Variants in KCNN2 observed in about 807,000 individuals in gnomAD.
The protein encoded by KCNN2 is potassium calcium-activated channel subfamily N member 2, also known as small conductance calcium-activated potassium channel protein 2.
KCNN2 carries 24 observed loss-of-function variants against 55.5 expected under a neutral mutation model. The observed-to-expected ratio is 0.43, with a 90% confidence interval of 0.31 to 0.61. The LOEUF (loss-of-function observed/expected upper bound fraction) is 0.61. Ranked by LOEUF, KCNN2 falls within the 20% of genes least tolerant of loss-of-function variation. KCNN2 has a pLI of 0.08. For missense variants in KCNN2, 754 were observed against 853.6 expected (o/e 0.88, Z 1.45); for synonymous variants, 431 against 336.1 (o/e 1.28, Z -3.09).
At chr5:114,401,682 C>T (rs907018844) in intron 2 of KCNN2, among the ~76,000 whole-genome samples, 1 of 152,128 alleles carries the variant, frequency 6.6e-6, no homozygotes, top group African/African-American at 2.4e-5. Context: ...GAGGAGCTGA[C>T]GTGGAGTTTG....
rs150702186 is a variant in KCNN2 at position 114,190,814 on chromosome 5, A to G, written c.-270-30666A>G. ...AAAAACATTTGTACCGAAGACCAAG[A>G]GTGGAATAGCTATGGTACTTCTAAA... On this transcript the variant is annotated intron_variant, in intron 1 of 10. Transcript: ENST00000512097. Among the ~76,000 whole-genome samples the G allele has an allele frequency of 3.4e-4, 52 of 152,294 alleles. No homozygotes were observed. The East Asian group carries it at 7.9e-3, about 23-fold the overall frequency.
intron 1 of KCNN2, among the ~76,000 whole-genome samples, chr5:114,145,991 T>A (rs1752391273): frequency 6.6e-6 from 1 of 152,138 alleles, no homozygotes; most frequent in Non-Finnish European, 1.5e-5. Flanking sequence ...TGTCTCGTTG[T>A]TGCATGCATC....
At chr5:114,194,244 A>G (rs1753506484) in intron 1 of KCNN2, among the ~76,000 whole-genome samples, 1 of 152,104 alleles carries the variant, frequency 6.6e-6, no homozygotes, top group African/African-American at 2.4e-5. Flanking sequence ...TTTTATAGTA[A>G]CTATTTGTTT....
chr5:114,369,448 G>T (rs149449597), intron 2 of KCNN2, among the ~76,000 whole-genome samples: 150 of 152,266 alleles, frequency 9.9e-4, no homozygotes, highest in African/African-American at 3.4e-3. Flanking sequence ...AAAAGTAGAA[G>T]AAATTATCTT....
At chr5:114,434,904 A>C (rs1348203982) in intron 3 of KCNN2, among the ~76,000 whole-genome samples, 1 of 152,182 alleles carries the variant, frequency 6.6e-6, no homozygotes, top group Non-Finnish European at 1.5e-5. Context: ...GTGAAACCCA[A>C]GGTGGTTACA....
intron 2 of KCNN2, among the ~76,000 whole-genome samples, chr5:114,374,399 T>A (rs1397828453): frequency 1.3e-5 from 2 of 152,230 alleles, no homozygotes; most frequent in African/African-American, 4.8e-5. Flanking sequence ...CTGTATTCTT[T>A]GTAGGTCTAC....
At chr5:114,193,353 A>G (rs1342602389) in intron 1 of KCNN2, among the ~76,000 whole-genome samples, 1 of 152,120 alleles carries the variant, frequency 6.6e-6, no homozygotes, top group Non-Finnish European at 1.5e-5. Flanking sequence ...TATACAGAAC[A>G]TATTCTGAGT....
At chr5:114,194,450 T>C (rs1400237451) in intron 1 of KCNN2, among the ~76,000 whole-genome samples, 5 of 152,120 alleles carry the variant, frequency 3.3e-5, no homozygotes, top group African/African-American at 9.7e-5. Context: ...TGATGGCTAA[T>C]GATGTTGAAC....
At chr5:114,448,436 A>G (rs1485113465) in intron 3 of KCNN2, among the ~76,000 whole-genome samples, 1 of 152,166 alleles carries the variant, frequency 6.6e-6, no homozygotes, top group African/African-American at 2.4e-5. Context: ...AGTTCCTGAC[A>G]TTTTGGCATT....
chr5:114,239,112 G>T (rs527353873), intron 2 of KCNN2, among the ~76,000 whole-genome samples: 1 of 152,274 alleles, frequency 6.6e-6, no homozygotes, highest in Admixed American at 6.5e-5. Flanking sequence ...TATGCTCTTT[G>T]GAGGGTAATT....
intron 1 of KCNN2, among the ~76,000 whole-genome samples, chr5:114,084,584 A>G (rs1750972555): frequency 6.6e-6 from 1 of 152,022 alleles, no homozygotes; most frequent in Non-Finnish European, 1.5e-5. Flanking sequence ...TTTGTCAGAT[A>G]TATTTGTAAA....
intron 1 of KCNN2, among the ~76,000 whole-genome samples, chr5:114,163,976 C>T (rs1752854531): frequency 6.6e-6 from 1 of 151,910 alleles, no homozygotes; most frequent in Non-Finnish European, 1.5e-5. Flanking sequence ...AATATTGAGA[C>T]CAGAAGATGT....
chr5:114,168,180 C>A (rs991218725), intron 1 of KCNN2, among the ~76,000 whole-genome samples: 1 of 147,966 alleles, frequency 6.8e-6, no homozygotes, highest in African/African-American at 2.6e-5. Flanking sequence ...TATATACACA[C>A]ACACACACAC....
chr5:114,109,355 A>G (rs114635773), intron 1 of KCNN2, among the ~76,000 whole-genome samples: 2,505 of 152,202 alleles, frequency 0.016, 52 homozygotes, highest in African/African-American at 0.056. Context: ...AACATACTCA[A>G]GGAAGTAACA....
intron 2 of KCNN2, among the ~76,000 whole-genome samples, chr5:114,311,173 G>T (rs567145537): frequency 6.6e-6 from 1 of 152,046 alleles, no homozygotes; most frequent in Non-Finnish European, 1.5e-5. Flanking sequence ...TTAATATTAG[G>T]TGTTGGTAAA....
At chr5:114,170,602 A>G (rs1753012424) in intron 1 of KCNN2, among the ~76,000 whole-genome samples, 2 of 151,998 alleles carry the variant, frequency 1.3e-5, no homozygotes, top group Non-Finnish European at 1.5e-5. Context: ...ACATTTTCCT[A>G]GGAGGATGAC....
chr5:114,058,821 C>G (rs181476483), intron 1 of KCNN2, among the ~76,000 whole-genome samples: 1 of 152,054 alleles, frequency 6.6e-6, no homozygotes, highest in African/African-American at 2.4e-5. Flanking sequence ...TGTGGAGCTG[C>G]GTGGAGACTG....
intron 2 of KCNN2, among the ~76,000 whole-genome samples, chr5:114,256,939 G>C (rs1314844364): frequency 6.6e-6 from 1 of 151,986 alleles, no homozygotes; most frequent in East Asian, 1.9e-4. Context: ...TCTTTTCCTA[G>C]GACAATGTCC....
intron 3 of KCNN2, among the ~76,000 whole-genome samples, chr5:114,447,419 G>A (rs889581030): frequency 4.6e-5 from 7 of 152,154 alleles, no homozygotes; most frequent in Admixed American, 2.0e-4. Flanking sequence ...AATGTCTCTG[G>A]GTTTGATAGG....
Sources: gnomAD v4.1 joint callset for allele counts (sites outside exome capture counted in the v4.1 genomes callset) on GRCh38, gnomAD v4.1.1 for gene constraint, MANE v1.5 for transcripts, NCBI Gene and HGNC (gene_info 2026-07-23, HGNC 2026-07-21) for gene names.